Variants in ATP6V0D1 observed in about 807,000 individuals in gnomAD.
ATP6V0D1 encodes the protein V-type proton ATPase subunit d 1.
In ATP6V0D1, 13 loss-of-function variants were observed where a neutral mutation model predicts 39.0. The observed-to-expected ratio is 0.33, with a 90% CI of 0.22 to 0.53. ATP6V0D1 has a LOEUF of 0.53. Among genes scored for constraint, ATP6V0D1 ranks in the 20% least tolerant of loss-of-function variants. ATP6V0D1 has a pLI of 0.94. For synonymous variants in ATP6V0D1, 191 were observed against 191.2 expected (o/e 1.00, Z 0.01); for missense variants, 272 against 470.9 (o/e 0.58, Z 3.91).
intron 1 of ATP6V0D1, among the ~76,000 whole-genome samples, chr16:67,480,198 CAAAA>C (rs5817621): frequency 2.0e-4 from 6 of 29,600 alleles, no homozygotes; most frequent in South Asian, 9.7e-4. Context: ...GACTCCGTCT[CAAAA>C]AAAAAAAAAA....
rs762894276 is a variant in ATP6V0D1 at position 67,456,286 on chromosome 16, G to A, written c.131-2571C>T. On this transcript the variant is annotated intron_variant, in intron 1 of 7. Transcript: ENST00000290949. The surrounding 1 kb of genome is among the most constrained non-coding windows in gnomAD (Gnocchi z 4.1). The stretch of plus-strand genomic sequence containing the variant: ...TGCTGCGATTACAGGCGTGAACCAC[G>A]TGTGCAAGTCTTTTTAAGAGAAACA... 2.6e-5 allele frequency: 4 copies of A among 152,224 alleles called. No individual in the cohort carries two copies. Among genetic ancestry groups the A allele is most frequent in the South Asian group, 2.1e-4 (1 of 4,822 alleles). 9.4% of individuals were successfully genotyped at this position (152,224 alleles called of 1,614,324 possible). A position where few individuals can be genotyped will look rare whatever the true frequency, so the allele number is the denominator to read the frequency against.
chr16:67,449,198 G>A (rs979444172), intron 2 of ATP6V0D1, among the ~76,000 whole-genome samples: 8 of 152,360 alleles, frequency 5.3e-5, no homozygotes, highest in Admixed American at 4.6e-4. Flanking sequence ...CCCAGGTGGT[G>A]CAGGTTACCC....
chr16:67,462,670 A>T (rs966627040), intron 1 of ATP6V0D1, among the ~76,000 whole-genome samples: 8 of 152,150 alleles, frequency 5.3e-5, no homozygotes, highest in African/African-American at 1.4e-4. Context: ...CACAAAAAAT[A>T]AAACAAAATG....
intron 1 of ATP6V0D1, among the ~76,000 whole-genome samples, chr16:67,461,491 A>G (rs557994743): frequency 1.8e-4 from 28 of 152,310 alleles, no homozygotes; most frequent in African/African-American, 6.5e-4. Flanking sequence ...GGTAGGAGGT[A>G]GTATAGCCAA....
intron 1 of ATP6V0D1, among the ~76,000 whole-genome samples, chr16:67,467,436 C>T (rs1187689591): frequency 1.3e-5 from 2 of 151,774 alleles, no homozygotes; most frequent in African/African-American, 4.8e-5. Context: ...ACCCAGGAGG[C>T]GGAGGTTGCA....
intron 1 of ATP6V0D1, among the ~76,000 whole-genome samples, chr16:67,471,825 G>C (rs1010380396): frequency 5.9e-5 from 9 of 151,276 alleles, no homozygotes; most frequent in African/African-American, 1.5e-4. Context: ...AGATTGGGCC[G>C]GGGGGTGGTT....
chr16:67,445,255 G>C (rs933859581), intron 2 of ATP6V0D1, among the ~76,000 whole-genome samples: 11 of 152,228 alleles, frequency 7.2e-5, no homozygotes, highest in Non-Finnish European at 1.5e-4. Context: ...GCAGCAGGCG[G>C]GGGGCAGAGG....
intron 1 of ATP6V0D1, among the ~76,000 whole-genome samples, chr16:67,469,385 A>C (rs2041355087): frequency 6.6e-6 from 1 of 152,230 alleles, no homozygotes; most frequent in Admixed American, 6.5e-5. Context: ...AACAAAGGGA[A>C]TACAGGAGTA....
chr16:67,442,463 T>G (rs2142298918), intron 4 of ATP6V0D1, among the ~76,000 whole-genome samples: 1 of 152,018 alleles, frequency 6.6e-6, no homozygotes, highest in South Asian at 2.1e-4. Context: ...TTTTTTTTTT[T>G]TTTTTAAATT....
intron 2 of ATP6V0D1, among the ~76,000 whole-genome samples, chr16:67,449,534 G>A (rs187371944): frequency 6.6e-6 from 1 of 152,374 alleles, no homozygotes; most frequent in Admixed American, 6.5e-5. Context: ...AAGAGCACAT[G>A]ACGACAGTCT....
At chr16:67,467,910 C>A (rs2041342989) in intron 1 of ATP6V0D1, among the ~76,000 whole-genome samples, 1 of 152,190 alleles carries the variant, frequency 6.6e-6, no homozygotes, top group South Asian at 2.1e-4. Context: ...GGTGCTATAG[C>A]AGGCATCCTG....
rs763390914 is a variant in ATP6V0D1, at chr16:67,481,138, C to A, written c.-52G>T. 7 of 1,609,288 alleles carry A rather than the reference C, an allele frequency of 4.3e-6. No homozygotes were observed. Among genetic ancestry groups the A allele is most frequent in the Non-Finnish European group, 5.9e-6 (7 of 1,177,020 alleles). On this transcript the variant is annotated 5_prime_UTR_variant, in exon 1 of 8. Transcript: ENST00000290949. ...AGAACCAGGACCGGCCGGCACGAAT[C>A]GCGACTCCCCAGGTCAGCTGACGCT... is the stretch of plus-strand genomic sequence containing the variant.
intron 1 of ATP6V0D1, chr16:67,457,499 G>T: frequency 9.0e-7 from 1 of 1,108,054 alleles, no homozygotes; most frequent in Non-Finnish European, 1.2e-6. Context: ...GTGGCAGAGG[G>T]GTGGGAGAAG....
chr16:67,457,141 C>A (rs1319299613), intron 1 of ATP6V0D1: 1 of 155,814 alleles, frequency 6.4e-6, no homozygotes, highest in East Asian at 1.9e-4. Context: ...ATGAAGCGGG[C>A]AACCCAGATC....
At chr16:67,467,953 C>T (rs2041343439) in intron 1 of ATP6V0D1, among the ~76,000 whole-genome samples, 1 of 152,178 alleles carries the variant, frequency 6.6e-6, no homozygotes, top group Admixed American at 6.5e-5. Context: ...GGTGGCCTGA[C>T]AGAAGGCCAG....
intron 2 of ATP6V0D1, among the ~76,000 whole-genome samples, chr16:67,450,029 C>T (rs892569738): frequency 6.6e-6 from 1 of 152,198 alleles, no homozygotes; most frequent in Non-Finnish European, 1.5e-5. Context: ...GTAATGGTCC[C>T]AACCTCTGTC....
At chr16:67,468,516 A>C (rs2041348040) in intron 1 of ATP6V0D1, among the ~76,000 whole-genome samples, 1 of 151,196 alleles carries the variant, frequency 6.6e-6, no homozygotes. Flanking sequence ...TGAGCCTGGG[A>C]GGTCAAGGCT....
intron 2 of ATP6V0D1, chr16:67,445,935 G>C (rs1345412253): frequency 6.6e-6 from 3 of 455,784 alleles, no homozygotes; most frequent in African/African-American, 2.0e-5. Flanking sequence ...TGAGGCCTAG[G>C]GGAAATTCCT....
chr16:67,460,583 G>A (rs1222126425), intron 1 of ATP6V0D1, among the ~76,000 whole-genome samples: 1 of 152,130 alleles, frequency 6.6e-6, no homozygotes, highest in African/African-American at 2.4e-5. Context: ...GCCCTTCGCA[G>A]GCTCTCTGCA....
Sources: gnomAD v4.1 joint callset for allele counts (sites outside exome capture counted in the v4.1 genomes callset) on GRCh38, gnomAD v4.1.1 for gene constraint, Gnocchi (gnomAD v3.1) non-coding constraint, MANE v1.5 for transcripts, NCBI Gene and HGNC (gene_info 2026-07-23, HGNC 2026-07-21) for gene names.